ADGRL2: variants seen among roughly 807,000 people sequenced by gnomAD.
ADGRL2 encodes the protein calcium-independent alpha-latrotoxin receptor 2.
In ADGRL2, 44 loss-of-function variants were observed where a neutral mutation model predicts 157.4. That is an observed-to-expected ratio of 0.28 (90% CI 0.22 to 0.36). The LOEUF (loss-of-function observed/expected upper bound fraction) is 0.36, where lower values mean the gene tolerates loss of function less well. Among genes scored for constraint, ADGRL2 ranks in the 10% least tolerant of loss-of-function variants. The pLI, the probability that ADGRL2 is intolerant of heterozygous loss-of-function variation, is 1.00. For missense variants in ADGRL2, 1,510 were observed against 1,768.9 expected, an observed-to-expected ratio of 0.85 and a Z score of 2.63; for synonymous variants, 585 against 624.7, an observed-to-expected ratio of 0.94 and a Z score of 0.95.
At chr1:81,926,785 T>A (rs1189869160) in intron 3 of ADGRL2, among the ~76,000 whole-genome samples, 1 of 152,010 alleles carries the variant, frequency 6.6e-6, no homozygotes, top group Admixed American at 6.6e-5. Flanking sequence ...TACTTCTTAT[T>A]TTGCTAATAA....
chr1:81,519,470 A>G (rs2079259928), intron 2 of ADGRL2, among the ~76,000 whole-genome samples: 1 of 152,224 alleles, frequency 6.6e-6, no homozygotes, highest in African/African-American at 2.4e-5. Context: ...AGAAAAAAAA[A>G]TAGTTGTATA....
chr1:81,548,063 C>T (rs1406578604), intron 2 of ADGRL2, among the ~76,000 whole-genome samples: 1 of 152,138 alleles, frequency 6.6e-6, no homozygotes, highest in Non-Finnish European at 1.5e-5. Flanking sequence ...AGTTCTTTCT[C>T]TTACCCACTG....
intron 22 of ADGRL2, 109 bp downstream of exon 22, chr1:81,987,138 T>G (rs1663395949): frequency 7.1e-7 from 1 of 1,416,172 alleles, no homozygotes; most frequent in African/African-American, 1.4e-5. Flanking sequence ...TGTTACATTC[T>G]TAATTTCTCA....
intron 2 of ADGRL2, among the ~76,000 whole-genome samples, chr1:81,868,595 G>A (rs116464437): frequency 7.9e-5 from 12 of 152,002 alleles, no homozygotes; most frequent in Admixed American, 6.6e-5. Context: ...GCCTAGGATC[G>A]TTGTCTCCTC....
At chr1:81,448,137 CTTTTTTTTTTTTTTT>C (rs1168945231) in intron 2 of ADGRL2, among the ~76,000 whole-genome samples, 1 of 83,502 alleles carries the variant, frequency 1.2e-5, no homozygotes. Flanking sequence ...TTCTTTCTTT[CTTTTTTTTTTTTTTT>C]TTTTTTTTTT....
intron 2 of ADGRL2, among the ~76,000 whole-genome samples, chr1:81,867,844 C>G (rs1476960767): frequency 6.6e-6 from 1 of 151,974 alleles, no homozygotes; most frequent in Non-Finnish European, 1.5e-5. Context: ...GTTTTCTGTT[C>G]TATTTTAGAT....
intron 2 of ADGRL2, among the ~76,000 whole-genome samples, chr1:81,566,294 G>A (rs1469124331): frequency 6.6e-6 from 1 of 152,064 alleles, no homozygotes; most frequent in Non-Finnish European, 1.5e-5. Context: ...TTTAACAGCA[G>A]ATAATAATGG....
intron 2 of ADGRL2, among the ~76,000 whole-genome samples, chr1:81,854,026 T>C (rs2093115271): frequency 6.6e-6 from 1 of 152,222 alleles, no homozygotes; most frequent in Admixed American, 6.5e-5. Context: ...TTTAAAAGAG[T>C]TTATGGCCTG....
At chr1:81,538,573 C>T (rs777023648) in intron 2 of ADGRL2, among the ~76,000 whole-genome samples, 4 of 152,174 alleles carry the variant, frequency 2.6e-5, no homozygotes, top group Non-Finnish European at 4.4e-5. Flanking sequence ...GAGATTCTTG[C>T]ATCTATACAT....
At chr1:81,422,945 T>TC (rs2077151626) in intron 1 of ADGRL2, among the ~76,000 whole-genome samples, 1 of 152,196 alleles carries the variant, frequency 6.6e-6, no homozygotes, top group South Asian at 2.1e-4. Flanking sequence ...TCCACACTGT[T>TC]CCCTGCCCCT....
At chr1:81,687,795 A>G (rs535139549) in intron 3 of ADGRL2, among the ~76,000 whole-genome samples, 1 of 152,306 alleles carries the variant, frequency 6.6e-6, no homozygotes, top group African/African-American at 2.4e-5. Context: ...AGGAAACACA[A>G]GAAAATGTGT....
intron 3 of ADGRL2, among the ~76,000 whole-genome samples, chr1:81,917,412 T>C (rs1226209662): frequency 6.6e-6 from 1 of 152,166 alleles, no homozygotes; most frequent in Non-Finnish European, 1.5e-5. Flanking sequence ...TTAAGTATAT[T>C]ATAGCAATGT....
At chr1:81,851,929 T>G (rs2093026463) in intron 2 of ADGRL2, among the ~76,000 whole-genome samples, 1 of 151,970 alleles carries the variant, frequency 6.6e-6, no homozygotes, top group Non-Finnish European at 1.5e-5. Flanking sequence ...AGGATTTTTT[T>G]TATATATTAA....
At chr1:81,739,424 G>A (rs776850085) in intron 1 of ADGRL2, among the ~76,000 whole-genome samples, 5 of 152,098 alleles carry the variant, frequency 3.3e-5, no homozygotes, top group Non-Finnish European at 5.9e-5. Context: ...AGAACCCTTG[G>A]GCCCATTTCC....
chr1:81,893,319 T>TTTTTTTTTTTTTTTGTTTTTG (rs753014450), intron 2 of ADGRL2, among the ~76,000 whole-genome samples: 4 of 150,348 alleles, frequency 2.7e-5, no homozygotes, highest in African/African-American at 4.8e-5. Context: ...CAATCCTGTC[T>TTTTTTTTTTTTTTTGTTTTTG]TGTATTTTTC....
intron 10 of ADGRL2, among the ~76,000 whole-genome samples, chr1:81,953,366 G>C (rs1320386024): frequency 6.6e-6 from 1 of 151,938 alleles, no homozygotes; most frequent in Non-Finnish European, 1.5e-5. Context: ...TATATTCTCG[G>C]CAGTTTATCA....
chr1:81,416,446 G>C (rs983871930), intron 1 of ADGRL2, among the ~76,000 whole-genome samples: 1 of 151,878 alleles, frequency 6.6e-6, no homozygotes, highest in African/African-American at 2.4e-5. Flanking sequence ...TGTTCCCTGC[G>C]TGCTACCTCC....
intron 1 of ADGRL2, among the ~76,000 whole-genome samples, chr1:81,352,082 T>A (rs1004574670): frequency 2.6e-5 from 4 of 152,020 alleles, no homozygotes; most frequent in African/African-American, 9.7e-5. Context: ...GACAAAGGAG[T>A]CACCGCAAAG....
chr1:81,527,496 A>T (rs1379716078), intron 2 of ADGRL2, among the ~76,000 whole-genome samples: 1 of 152,100 alleles, frequency 6.6e-6, no homozygotes, highest in African/African-American at 2.4e-5. Context: ...TGGATCACCC[A>T]AGTTCAGGAG....
Sources: allele counts gnomAD v4.1 joint callset (sites outside exome capture counted in the v4.1 genomes callset), GRCh38; gene constraint gnomAD v4.1.1; transcripts MANE v1.5; gene names NCBI Gene and HGNC (gene_info 2026-07-23, HGNC 2026-07-21).